The following SND1 variants were observed in gnomAD, a reference collection of about 807,000 sequenced individuals.
SND1 encodes staphylococcal nuclease domain-containing protein 1.
Under a neutral mutation model 121.7 loss-of-function variants are expected in SND1, and 38 were observed. The ratio of observed to expected loss-of-function variants is 0.31; its 90% CI spans 0.24 to 0.41. The LOEUF (loss-of-function observed/expected upper bound fraction) is 0.41. Among genes scored for constraint, SND1 ranks in the 10% least tolerant of loss-of-function variants. SND1 has a pLI of 1.00. For synonymous variants in SND1, 401 were observed against 447.4 expected (o/e 0.90, Z 1.31); for missense variants, 868 against 1,184.6 (o/e 0.73, Z 3.92).
chr7:127,893,795 G>T (rs1340181112), intron 13 of SND1, among the ~76,000 whole-genome samples: 1 of 152,028 alleles, frequency 6.6e-6, no homozygotes, highest in Non-Finnish European at 1.5e-5. Context: ...GTGTGAACCT[G>T]CCCTCATCTC....
At chr7:128,063,140 C>A (rs1258227561) in intron 16 of SND1, among the ~76,000 whole-genome samples, 1 of 152,210 alleles carries the variant, frequency 6.6e-6, no homozygotes, top group African/African-American at 2.4e-5. Flanking sequence ...CACAGCTCTT[C>A]CTAGGCTCTC....
At chr7:127,724,171 C>T (rs576848898) in intron 10 of SND1, among the ~76,000 whole-genome samples, 1 of 152,264 alleles carries the variant, frequency 6.6e-6, no homozygotes, top group African/African-American at 2.4e-5. Context: ...CCTCATGGAA[C>T]TTTAGAGTCT....
intron 1 of SND1, among the ~76,000 whole-genome samples, chr7:127,670,485 C>T (rs1212614896): frequency 2.6e-5 from 4 of 152,040 alleles, no homozygotes; most frequent in South Asian, 4.2e-4. Context: ...CAAGAGTGAA[C>T]GGTTTGCGGC....
intron 10 of SND1, among the ~76,000 whole-genome samples, chr7:127,778,446 C>G (rs1377809876): frequency 6.6e-6 from 1 of 152,150 alleles, no homozygotes; most frequent in African/African-American, 2.4e-5. Flanking sequence ...ATCTGCCCAC[C>G]TTGGCCTCCC....
intron 11 of SND1, among the ~76,000 whole-genome samples, chr7:127,814,524 A>T (rs2116590381): frequency 6.6e-6 from 1 of 152,100 alleles, no homozygotes; most frequent in African/African-American, 2.4e-5. Flanking sequence ...AGGAAACCTG[A>T]CTATTGCTAT....
intron 15 of SND1, among the ~76,000 whole-genome samples, chr7:127,982,533 C>T (rs1385084408): frequency 6.6e-6 from 1 of 152,158 alleles, no homozygotes; most frequent in Non-Finnish European, 1.5e-5. Context: ...ATCCTACCTC[C>T]CCTGAGGTAA....
At chr7:128,074,438 C>T (rs1412004410) in intron 16 of SND1, 64 bp from the exon 17 acceptor site, 21 of 1,501,750 alleles carry the variant, frequency 1.4e-5, no homozygotes, top group Admixed American at 9.8e-5. Context: ...GTCCTCCCCA[C>T]GGGCACAGCC....
intron 16 of SND1, chr7:128,042,184 A>C (rs1792867337): frequency 6.6e-6 from 1 of 152,242 alleles, no homozygotes; most frequent in Admixed American, 6.5e-5. Flanking sequence ...GCCAGCCAGC[A>C]ACTCTGAAAG....
At chr7:127,903,049 T>C (rs939737492) in intron 13 of SND1, among the ~76,000 whole-genome samples, 2 of 151,856 alleles carry the variant, frequency 1.3e-5, no homozygotes, top group African/African-American at 4.8e-5. Context: ...ACCCAGCTAA[T>C]TTTTTTGTAT....
chr7:127,683,693 GC>G (rs1795766486), intron 1 of SND1, among the ~76,000 whole-genome samples: 1 of 152,166 alleles, frequency 6.6e-6, no homozygotes, highest in Non-Finnish European at 1.5e-5. Context: ...GTGCACACAT[GC>G]CAATCCTCTC....
At chr7:127,764,441 A>G (rs1272179149) in intron 10 of SND1, among the ~76,000 whole-genome samples, 2 of 152,176 alleles carry the variant, frequency 1.3e-5, no homozygotes, top group Non-Finnish European at 2.9e-5. Flanking sequence ...AAGGAACTCC[A>G]TGCTCATTAA....
chr7:127,779,329 C>T lies in SND1; in HGVS notation c.1153-28155C>T, dbSNP rs1049625052. 5.8e-4 allele frequency among the ~76,000 whole-genome samples: 89 copies of T among 152,308 alleles called. 1 individual carries two copies. The highest frequency in any genetic ancestry group is 1.9e-3 in the African/African-American group (78 of 41,570). ...TCCTAAATACATGTTTCCTTGACTG[C>T]TGTAACAGCCAGTCCTAACTGGCCT... is the stretch of plus-strand genomic sequence containing the variant. On this transcript the variant is annotated intron_variant, in intron 10 of 23. Transcript: ENST00000354725.
At chr7:127,882,272 A>C (rs1799805766) in intron 12 of SND1, among the ~76,000 whole-genome samples, 1 of 151,450 alleles carries the variant, frequency 6.6e-6, no homozygotes, top group Non-Finnish European at 1.5e-5. Context: ...ATGTTAAAAA[A>C]AGGAAAAGCA....
At chr7:128,006,897 C>T (rs1047381790) in intron 16 of SND1, among the ~76,000 whole-genome samples, 6 of 152,156 alleles carry the variant, frequency 3.9e-5, no homozygotes, top group Non-Finnish European at 8.8e-5. Flanking sequence ...GCATGGAGGT[C>T]GCAGTCTTTG....
chr7:127,829,137 G>A (rs900298177), intron 11 of SND1, among the ~76,000 whole-genome samples: 5 of 152,132 alleles, frequency 3.3e-5, no homozygotes, highest in Non-Finnish European at 7.4e-5. Flanking sequence ...AGTCTGGTTC[G>A]TTTGAATGAG....
At chr7:128,051,527 C>CT (rs1447748740) in intron 16 of SND1, among the ~76,000 whole-genome samples, 13 of 152,296 alleles carry the variant, frequency 8.5e-5, no homozygotes, top group African/African-American at 2.4e-4. Flanking sequence ...AAATTGCATT[C>CT]ATAGAGAAAT....
intron 10 of SND1, among the ~76,000 whole-genome samples, chr7:127,806,244 T>G (rs1157252596): frequency 6.6e-6 from 1 of 152,222 alleles, no homozygotes; most frequent in Non-Finnish European, 1.5e-5. Context: ...TTCCTACTCC[T>G]TTATCCTCCC....
chr7:127,811,237 G>A (rs910142629), intron 11 of SND1, among the ~76,000 whole-genome samples: 3 of 152,198 alleles, frequency 2.0e-5, no homozygotes, highest in Non-Finnish European at 4.4e-5. Flanking sequence ...CATTTGGGAA[G>A]TTATGGGGCT....
At chr7:127,871,283 T>C (rs756281748) in intron 12 of SND1, among the ~76,000 whole-genome samples, 3 of 152,188 alleles carry the variant, frequency 2.0e-5, no homozygotes, top group Non-Finnish European at 1.5e-5. Flanking sequence ...TGATAGTAAA[T>C]ACATGCACCA....
Sources: allele counts gnomAD v4.1 joint callset (sites outside exome capture counted in the v4.1 genomes callset), GRCh38; gene constraint gnomAD v4.1.1; transcripts MANE v1.5; gene names NCBI Gene and HGNC (gene_info 2026-07-23, HGNC 2026-07-21).